Variants in MYPN observed in about 807,000 individuals in gnomAD.
The protein encoded by MYPN is sarcomeric protein myopalladin, 145 kDa (MYOP).
A neutral mutation model predicts 129.4 loss-of-function variants in MYPN; 63 were observed. That is an observed-to-expected ratio of 0.49 (90% CI 0.40 to 0.60). The LOEUF (loss-of-function observed/expected upper bound fraction) is 0.60, where lower values mean the gene tolerates loss of function less well. MYPN is among the 20% of genes least tolerant of loss of function. The probability of loss-of-function intolerance (pLI) is 0.00; values close to 1 mark genes in which losing one functional copy is unlikely to be tolerated. For missense variants in MYPN, 1,596 were observed against 1,635.4 expected (o/e 0.98, Z 0.42); for synonymous variants, 629 against 600.9 (o/e 1.05, Z -0.68).
Position 68,109,529 on chromosome 10 carries a change from A to C in MYPN, c.-196A>C, listed in dbSNP as rs2042052589. The stretch of plus-strand genomic sequence containing the variant: ...TGGCTCCGGTGGTGACAGGTTGTCC[A>C]GCTTCTTACAGCCATCTTCACTGAA... On this transcript the variant is annotated 5_prime_UTR_variant, in exon 1 of 20. Coordinates refer to ENST00000358913, the MANE Select transcript of MYPN (RefSeq NM_032578.4). 2 of 453,998 alleles carry C rather than the reference A, an allele frequency of 4.4e-6. No individual in the cohort carries two copies. The highest frequency in any genetic ancestry group is 1.4e-4 in the East Asian group (2 of 14,406). The allele number at this position is 453,998 out of a possible 1,614,324, so 28.1% of individuals were successfully genotyped here.
intron 2 of MYPN, chr10:68,135,557 A>G (rs971981305): frequency 3.8e-5 from 32 of 844,916 alleles, no homozygotes; most frequent in Non-Finnish European, 4.1e-5. Flanking sequence ...TTTAGGCCCC[A>G]CATTCTTCAC....
At chr10:68,133,656 C>G (rs992131690) in intron 2 of MYPN, among the ~76,000 whole-genome samples, 8 of 151,938 alleles carry the variant, frequency 5.3e-5, no homozygotes, top group African/African-American at 1.9e-4. Flanking sequence ...ACAAAAGATA[C>G]AATAAGCGAG....
chr10:68,143,142 A>T, intron 3 of MYPN, 27 bp downstream of exon 3: 1 of 1,602,280 alleles, frequency 6.2e-7, no homozygotes, highest in Non-Finnish European at 8.5e-7. Context: ...TTGGAGTATG[A>T]CACTTAATAG....
intron 13 of MYPN, among the ~76,000 whole-genome samples, chr10:68,189,618 T>G (rs2043479405): frequency 6.6e-6 from 1 of 152,228 alleles, no homozygotes. Context: ...ATGCAATACA[T>G]GCCTTTCTGT....
At chr10:68,140,229 G>T (rs970481330) in intron 2 of MYPN, among the ~76,000 whole-genome samples, 21 of 152,120 alleles carry the variant, frequency 1.4e-4, no homozygotes, top group African/African-American at 4.8e-4. Context: ...GAAGAGTGAT[G>T]GGAGATGGGG....
At chr10:68,204,028 C>T (rs1012606944) in intron 18 of MYPN, among the ~76,000 whole-genome samples, 4 of 152,204 alleles carry the variant, frequency 2.6e-5, no homozygotes, top group Admixed American at 6.5e-5. Context: ...CCTTAATACT[C>T]ACCTCAAACA....
At chr10:68,127,715 TG>T (rs979714562) in intron 2 of MYPN, among the ~76,000 whole-genome samples, 1 of 152,156 alleles carries the variant, frequency 6.6e-6, no homozygotes, top group Non-Finnish European at 1.5e-5. Flanking sequence ...GAGCCCTACC[TG>T]TTTGTTCGCC....
chr10:68,095,505 A>G (rs986179344), intron 1 of MYPN, among the ~76,000 whole-genome samples: 2 of 152,168 alleles, frequency 1.3e-5, no homozygotes, highest in Non-Finnish European at 2.9e-5. Flanking sequence ...TCCCATCTGA[A>G]GTACCAGCCA....
chr10:68,153,394 T>C (rs2042811325), intron 6 of MYPN, among the ~76,000 whole-genome samples: 1 of 152,206 alleles, frequency 6.6e-6, no homozygotes, highest in Non-Finnish European at 1.5e-5. Flanking sequence ...GATGCTCTGA[T>C]TGGCAGATGC....
chr10:68,210,364 G>C lies in MYPN; in HGVS notation c.3872G>C (p.Gly1291Ala), dbSNP rs2134357260. 1 of 1,614,148 alleles carries C rather than the reference G, an allele frequency of 6.2e-7. No homozygotes were observed. Among genetic ancestry groups the C allele is most frequent in the East Asian group, 2.2e-5 (1 of 44,878 alleles). Residue 1291 changes from glycine to alanine, a missense_variant, in exon 20 of 20, where the codon GGA becomes GCA. Physicochemically the swap from Gly to Ala is moderately conservative, Grantham distance 60 (BLOSUM62 0). Transcript: ENST00000358913. ...CGCTACGGATCTCTCACCAGTAAAG[G>C]ACTTGACATATTTTCTGCCTTTTCC... The part of the protein sequence containing the change: ...GSRYGSLTSK[G>A]LDIFSAFSSM...
Position 68,174,168 on chromosome 10 carries a change from G to T in MYPN, c.2076G>T (p.Met692Ile), listed in dbSNP as rs773720967. 51 of 1,613,880 alleles carry T rather than the reference G, an allele frequency of 3.2e-5. No individual in the cohort carries two copies. The highest frequency in any genetic ancestry group is 4.2e-5 in the Non-Finnish European group (50 of 1,179,954). ...CTCCTAAGGAGTTTCCTTTCAGCATGACTGTTTTGAACTCCAATGCTCCCC... is the reference window on the plus strand; with the variant it reads ...CTCCTAAGGAGTTTCCTTTCAGCATTACTGTTTTGAACTCCAATGCTCCCC... Reference protein sequence around the residue: ...PSSPKEFPFSMTVLNSNAPPA... With the variant: ...PSSPKEFPFSITVLNSNAPPA... The change falls in exon 11 of 20, where the codon ATG becomes ATT. Residue 692 changes from methionine to isoleucine, a missense_variant. Coordinates refer to ENST00000358913, the MANE Select transcript of MYPN (RefSeq NM_032578.4).
intron 2 of MYPN, among the ~76,000 whole-genome samples, chr10:68,127,477 G>T (rs2042344426): frequency 6.6e-6 from 1 of 151,708 alleles, no homozygotes; most frequent in Non-Finnish European, 1.5e-5. Flanking sequence ...TGGGATTACA[G>T]GCACGTGCCA....
intron 14 of MYPN, 100 bp from the exon 15 acceptor site, chr10:68,195,350 T>C (rs2043586717): frequency 3.9e-6 from 4 of 1,036,858 alleles, no homozygotes; most frequent in Non-Finnish European, 6.0e-6. Context: ...AAACTCATAA[T>C]AGCCAAAATT....
Position 68,148,483 on chromosome 10 carries a change from C to T in MYPN, c.1245+16C>T, listed in dbSNP as rs377456805. On this transcript the variant is annotated intron_variant, in intron 5 of 19. Coordinates refer to ENST00000358913, the MANE Select transcript of MYPN (RefSeq NM_032578.4). ...CATCCAGCAGGTACAAGAATCCAAG[C>T]GAAACACAAGTGCCATCCACTGTGA... 43 of 1,595,676 alleles carry T rather than the reference C, an allele frequency of 2.7e-5. No homozygotes were observed. Among genetic ancestry groups the T allele is most frequent in the African/African-American group, 1.6e-4 (12 of 74,396 alleles).
intron 11 of MYPN, 68 bp downstream of exon 11, chr10:68,174,724 G>T: frequency 7.1e-7 from 1 of 1,416,238 alleles, no homozygotes; most frequent in Non-Finnish European, 9.9e-7. Context: ...TGAATAGCTT[G>T]ATCTGAAACA....
At chr10:68,124,129 A>G (rs2134003723) in intron 2 of MYPN, among the ~76,000 whole-genome samples, 1 of 152,310 alleles carries the variant, frequency 6.6e-6, no homozygotes, top group South Asian at 2.1e-4. Context: ...CTAATTTTGC[A>G]TTCTAAGTTT....
chr10:68,210,483 G>A lies in MYPN; in HGVS notation c.*28G>A. On this transcript the variant is annotated 3_prime_UTR_variant, in exon 20 of 20. Coordinates refer to ENST00000358913, the MANE Select transcript of MYPN (RefSeq NM_032578.4). Reference sequence around the variant, plus strand: ...ATGTCTAGGTACCTGCTGTGTAAGAGAGCGGACTGTGGAGGGGGAATGAGA... The same window carrying A: ...ATGTCTAGGTACCTGCTGTGTAAGAAAGCGGACTGTGGAGGGGGAATGAGA... 6.2e-7 allele frequency: 1 copy of A among 1,613,176 alleles called. No individual in the cohort carries two copies. Among genetic ancestry groups the A allele is most frequent in the Non-Finnish European group, 8.5e-7 (1 of 1,179,776 alleles).
At chr10:68,106,164 T>A (rs145674697), upstream of MYPN, 10 of 454,084 alleles carry the variant, frequency 2.2e-5, no homozygotes, top group East Asian at 6.9e-4. Context: ...GATATAGGAA[T>A]GGTGCTTCTC....
chr10:68,133,213 A>T (rs1428623444), intron 2 of MYPN, among the ~76,000 whole-genome samples: 4 of 151,820 alleles, frequency 2.6e-5, no homozygotes, highest in African/African-American at 9.7e-5. Flanking sequence ...TTTAGTAGAG[A>T]CGGGTTCTGC....
Sources: allele counts gnomAD v4.1 joint callset (sites outside exome capture counted in the v4.1 genomes callset), GRCh38; gene constraint gnomAD v4.1.1; transcripts MANE v1.5; gene names NCBI Gene and HGNC (gene_info 2026-07-23, HGNC 2026-07-21).